LRRC8A: variants seen among roughly 807,000 people sequenced by gnomAD.
LRRC8A encodes volume-regulated anion channel subunit LRRC8A.
LRRC8A carries 24 observed loss-of-function variants against 52.5 expected under a neutral mutation model. That is an observed-to-expected ratio of 0.46 (90% CI 0.33 to 0.64). LRRC8A has a LOEUF of 0.64. LRRC8A is among the 30% of genes least tolerant of loss of function. The probability of loss-of-function intolerance (pLI) is 0.02; values close to 1 mark genes in which losing one functional copy is unlikely to be tolerated. For missense variants in LRRC8A, 677 were observed against 1,094.7 expected (o/e 0.62, Z 5.38); for synonymous variants, 492 against 494.2 (o/e 1.00, Z 0.06).
chr9:128,899,484 A>T lies in LRRC8A; in HGVS notation c.-8-7673A>T, dbSNP rs1485161065. ...GGTTTGAACGCCACCTCTGTCACTT[A>T]TAGGCGGTATGAAGTTGGGCAGAAG... On this transcript the variant is annotated intron_variant, in intron 2 of 3. Coordinates refer to ENST00000372600, the MANE Select transcript of LRRC8A (RefSeq NM_019594.4). This position sits in a 1 kb window ranked among gnomAD's most constrained non-coding sequence, Gnocchi z 4.0. 1.3e-5 allele frequency among the ~76,000 whole-genome samples: 2 copies of T among 151,804 alleles called. No individual in the cohort carries two copies. The highest frequency in any genetic ancestry group is 2.9e-5 in the Non-Finnish European group (2 of 67,956).
intron 2 of LRRC8A, among the ~76,000 whole-genome samples, chr9:128,888,584 G>T (rs921490387): frequency 2.0e-5 from 3 of 152,090 alleles, no homozygotes; most frequent in Non-Finnish European, 4.4e-5. Flanking sequence ...GGCCCACCCT[G>T]CCACCTGGGT....
intron 2 of LRRC8A, among the ~76,000 whole-genome samples, chr9:128,898,892 C>T (rs1438173781): frequency 2.0e-5 from 3 of 152,252 alleles, no homozygotes; most frequent in Admixed American, 2.0e-4. Context: ...GGGCATTTGT[C>T]ACCTTCCGCC....
intron 2 of LRRC8A, among the ~76,000 whole-genome samples, chr9:128,890,130 TTGTGTGTGTGTGTGTGTG>T (rs57721007): frequency 7.8e-6 from 1 of 128,208 alleles, no homozygotes; most frequent in South Asian, 2.7e-4. Flanking sequence ...TGGCTTCATT[TTGTGTGTGTGTGTGTGTG>T]TGTGTGTGTG....
At chr9:128,915,069 A>T (rs759334181) in intron 3 of LRRC8A, among the ~76,000 whole-genome samples, 8 of 152,194 alleles carry the variant, frequency 5.3e-5, no homozygotes, top group South Asian at 2.1e-4. Context: ...TATTGACAGA[A>T]TATTTATAGG....
In LRRC8A at chr9:128,907,556, T is replaced by C; in HGVS notation, c.392T>C (p.Leu131Pro). 1 of 1,614,186 alleles carries C rather than the reference T, an allele frequency of 6.2e-7. No homozygotes were observed. Among genetic ancestry groups the C allele is most frequent in the East Asian group, 2.2e-5 (1 of 44,884 alleles). The stretch of plus-strand genomic sequence containing the variant: ...AAGTACTTCCCCTACCTGGTGCTTC[T>C]GCACACGCTCATCTTCCTGGCCTGC... ...FAKYFPYLVL[L>P]HTLIFLACSN... The change falls in exon 3 of 4, where the codon CTG (leucine) becomes CCG (proline). Residue 131 changes from leucine to proline, a missense_variant. By Grantham distance (98) the Leu-to-Pro change is moderately conservative. Coordinates refer to ENST00000372600, the MANE Select transcript of LRRC8A (RefSeq NM_019594.4). This position sits in a 1 kb window ranked among gnomAD's most constrained non-coding sequence, Gnocchi z 9.3.
In LRRC8A at chr9:128,916,104, G is replaced by T; in HGVS notation, c.2166G>T (p.Thr722=). Residue 722 remains threonine (T), a synonymous_variant, in exon 4 of 4, where the codon ACG becomes ACT. Coordinates refer to ENST00000372600, the MANE Select transcript of LRRC8A (RefSeq NM_019594.4). This position sits in a 1 kb window ranked among gnomAD's most constrained non-coding sequence, Gnocchi z 6.1. ...TGCTTTTTTCCCTCCAGATCGAGAC[G>T]CTCCCTCCGGAGCTCTTCCAGTGCC... ...NLAITANRIE[T]LPPELFQCRK... The T allele has an allele frequency of 6.2e-7, 1 of 1,603,956 alleles. No individual in the cohort carries two copies. Among genetic ancestry groups the T allele is most frequent in the Non-Finnish European group, 8.5e-7 (1 of 1,172,340 alleles).
intron 3 of LRRC8A, 113 bp downstream of exon 3, chr9:128,909,434 G>A: frequency 9.6e-7 from 1 of 1,037,666 alleles, no homozygotes; most frequent in South Asian, 1.4e-5. Context: ...CCCTGAGTGT[G>A]GAGTCCTCAC....
rs117877806 is a variant in LRRC8A at position 128,898,949 on chromosome 9, C to G, written c.-8-8208C>G. Among the ~76,000 whole-genome samples the G allele has an allele frequency of 7.3e-3, 1,116 of 152,326 alleles. 8 individuals are homozygous for G. The highest frequency in any genetic ancestry group is 0.019 in the African/African-American group (791 of 41,574). On this transcript the variant is annotated intron_variant, in intron 2 of 3. Transcript: ENST00000372600. ...GTGCTGAGAGGGGAAGGCGTCCTGGCTCCTGGATAGCCCCTCCCTCTCTGC... is the reference window on the plus strand; with the variant it reads ...GTGCTGAGAGGGGAAGGCGTCCTGGGTCCTGGATAGCCCCTCCCTCTCTGC...
rs1839657822 is a variant in LRRC8A, at chr9:128,892,355, G to A, written c.-9+6234G>A. On this transcript the variant is annotated intron_variant, in intron 2 of 3. Coordinates refer to ENST00000372600, the MANE Select transcript of LRRC8A (RefSeq NM_019594.4). This position sits in a 1 kb window ranked among gnomAD's most constrained non-coding sequence, Gnocchi z 5.2. ...GAGCTGCTGGGGGAAGCCCAGGTGG[G>A]TGTCCCTCACCTGTTGCCTTTCACC... 6.6e-6 allele frequency among the ~76,000 whole-genome samples: 1 copy of A among 152,176 alleles called. No homozygotes were observed. Among genetic ancestry groups the A allele is most frequent in the African/African-American group, 2.4e-5 (1 of 41,436 alleles).
chr9:128,886,123 TA>T lies in LRRC8A; in HGVS notation c.-9+4del. The T allele has an allele frequency of 6.6e-6, 1 of 152,648 alleles. No individual in the cohort carries two copies. The allele number at this position is 152,648 out of a possible 1,614,324, so 9.5% of individuals were successfully genotyped here. ...GCAGATAGCAGAGCCATCCTTGGGG[TA>T]AGGACTGGGCCCCTCTCCTTCTCAG... On this transcript the variant is annotated splice_donor_region_variant and intron_variant, in intron 2 of 3. Coordinates refer to ENST00000372600, the MANE Select transcript of LRRC8A (RefSeq NM_019594.4).
chr9:128,913,895 G>A (rs768270772), intron 3 of LRRC8A, among the ~76,000 whole-genome samples: 4 of 152,314 alleles, frequency 2.6e-5, no homozygotes, highest in African/African-American at 4.8e-5. Context: ...CAGGTTAGGA[G>A]CCTTTTTGAA....
At chr9:128,896,134 C>T (rs543368525) in intron 2 of LRRC8A, among the ~76,000 whole-genome samples, 2 of 152,318 alleles carry the variant, frequency 1.3e-5, no homozygotes, top group South Asian at 2.1e-4. Context: ...TTTGTATCTT[C>T]GGTATACTTG....
In LRRC8A at chr9:128,892,533, AC is replaced by A. The variant is rs1046104867; in HGVS notation, c.-9+6415del. On this transcript the variant is annotated intron_variant, in intron 2 of 3. Transcript: ENST00000372600. The surrounding 1 kb of genome is among the most constrained non-coding windows in gnomAD (Gnocchi z 5.2). Reference sequence around the variant, plus strand: ...TCCTCTCCCCAGGAAGTGAGGGTGTACCCTTCTACACAGGGCGAGTCCCAAG... The same window carrying A: ...TCCTCTCCCCAGGAAGTGAGGGTGTACCTTCTACACAGGGCGAGTCCCAAG... Among the ~76,000 whole-genome samples the A allele has an allele frequency of 2.0e-5, 3 of 151,684 alleles. No homozygotes were observed. The highest frequency in any genetic ancestry group is 7.3e-5 in the African/African-American group (3 of 41,258).
chr9:128,911,080 AT>A lies in LRRC8A; in HGVS notation c.2157+1760del, dbSNP rs764991531. Among the ~76,000 whole-genome samples, 1 of 151,842 alleles carries A rather than the reference AT, an allele frequency of 6.6e-6. No individual in the cohort carries two copies. On this transcript the variant is annotated intron_variant, in intron 3 of 3. Transcript: ENST00000372600. The surrounding 1 kb of genome is among the most constrained non-coding windows in gnomAD (Gnocchi z 4.9). ...GGCACGGAGGGAGGTGGCCCCTGGA[AT>A]GCCCGGTCTGTCTATAGTATCCTCA...
chr9:128,910,993 A>C (rs1241281274), intron 3 of LRRC8A, among the ~76,000 whole-genome samples: 1 of 152,034 alleles, frequency 6.6e-6, no homozygotes, highest in Admixed American at 6.5e-5. Context: ...GGCATGATGC[A>C]CCTGTCCTCC....
intron 2 of LRRC8A, among the ~76,000 whole-genome samples, chr9:128,900,068 G>A (rs968268686): frequency 1.3e-5 from 2 of 152,170 alleles, no homozygotes; most frequent in African/African-American, 4.8e-5. Flanking sequence ...GAGTTCCTGG[G>A]CAGGTCCTTG....
At position 128,885,686 on chromosome 9, in the gene LRRC8A, T is replaced by A. The variant is rs556098687; in HGVS notation, c.-115-329T>A. ...ACTTTGGGAGGCCGAGGCGGGCAGA[T>A]CCCTGGAGGTTAGGAGTTTGAGAGC... On this transcript the variant is annotated intron_variant, in intron 1 of 3. Coordinates refer to ENST00000372600, the MANE Select transcript of LRRC8A (RefSeq NM_019594.4). 7.0e-4 allele frequency among the ~76,000 whole-genome samples: 106 copies of A among 152,184 alleles called. 1 individual carries two copies. Among genetic ancestry groups the A allele is most frequent in the African/African-American group, 2.5e-3 (103 of 41,520 alleles).
In LRRC8A at chr9:128,918,031, T is replaced by C. The variant is rs1840900720; in HGVS notation, c.*1660T>C. The stretch of plus-strand genomic sequence containing the variant: ...CGGTCACAGTATCAAATAAAATCTA[T>C]AACAGAAAGTGGCCTTTGGAGGTCT... On this transcript the variant is annotated 3_prime_UTR_variant, in exon 4 of 4. Coordinates refer to ENST00000372600, the MANE Select transcript of LRRC8A (RefSeq NM_019594.4). 1 of 152,752 alleles carries C rather than the reference T, an allele frequency of 6.5e-6. No individual in the cohort carries two copies. Among genetic ancestry groups the C allele is most frequent in the South Asian group, 2.1e-4 (1 of 4,830 alleles). The allele number at this position is 152,752 out of a possible 1,614,324, so 9.5% of individuals were successfully genotyped here.
Position 128,916,326 on chromosome 9 carries a change from C to T in LRRC8A, c.2388C>T (p.Pro796=), listed in dbSNP as rs756136520. ...AGGACCTGTTCAACACACTGCCACC[C>T]GAGGTGAAGGAGCGGCTGTGGAGGG... ...VEEDLFNTLP[P]EVKERLWRAD... is the part of the protein sequence containing the mutation. The change falls in exon 4 of 4, where the codon CCC becomes CCT. Residue 796 remains proline (P), a synonymous_variant. Coordinates refer to ENST00000372600, the MANE Select transcript of LRRC8A (RefSeq NM_019594.4). The surrounding 1 kb of genome is among the most constrained non-coding windows in gnomAD (Gnocchi z 6.1). 8 of 1,612,310 alleles carry T rather than the reference C, an allele frequency of 5.0e-6. No homozygotes were observed. Among genetic ancestry groups the T allele is most frequent in the African/African-American group, 1.3e-5 (1 of 74,880 alleles).
Sources: gnomAD v4.1 joint callset for allele counts (sites outside exome capture counted in the v4.1 genomes callset) on GRCh38, gnomAD v4.1.1 for gene constraint, Gnocchi (gnomAD v3.1) non-coding constraint, MANE v1.5 for transcripts, NCBI Gene and HGNC (gene_info 2026-07-23, HGNC 2026-07-21) for gene names.